The following EML4 variants were observed in gnomAD, a reference collection of about 807,000 sequenced individuals.
The protein encoded by EML4 is echinoderm microtubule-associated protein-like 4.
Under a neutral mutation model 129.0 loss-of-function variants are expected in EML4, and 72 were observed. That is an observed-to-expected ratio of 0.56 (90% confidence interval 0.46 to 0.68). EML4 has a LOEUF of 0.68. Among genes scored for constraint, EML4 ranks in the 30% least tolerant of loss-of-function variants. The pLI is 0.00. For synonymous variants in EML4, 532 were observed against 405.0 expected (o/e 1.31, Z -3.77); for missense variants, 1,363 against 1,190.6 (o/e 1.14, Z -2.13).
intron 1 of EML4, among the ~76,000 whole-genome samples, chr2:42,181,922 G>A (rs1670967566): frequency 6.6e-6 from 1 of 152,006 alleles, no homozygotes; most frequent in East Asian, 1.9e-4. Flanking sequence ...TAAAATTAAG[G>A]AATATATTTA....
intron 19 of EML4, chr2:42,320,019 T>A (rs1034830495): frequency 6.6e-6 from 1 of 152,218 alleles, no homozygotes; most frequent in Non-Finnish European, 1.5e-5. Context: ...TTATAAGTTA[T>A]ATGCATTTGG....
rs1012945955 is a variant in EML4, at chr2:42,169,655, T to C, written c.25+19T>C. On this transcript the variant is annotated intron_variant, in intron 1 of 22. Coordinates refer to ENST00000318522, the MANE Select transcript of EML4 (RefSeq NM_019063.5). ...AGTCTCGGTGAGTACGGCTGGGGAG[T>C]CCTGCGTCTTCTGCGAAGGGTAGGA... 6.3e-7 allele frequency: 1 copy of C among 1,593,708 alleles called. No individual in the cohort carries two copies. The highest frequency in any genetic ancestry group is 1.4e-5 in the African/African-American group (1 of 72,880).
chr2:42,300,570 T>G (rs1456099841), intron 13 of EML4, among the ~76,000 whole-genome samples: 1 of 152,206 alleles, frequency 6.6e-6, no homozygotes, highest in Admixed American at 6.5e-5. Flanking sequence ...TCTCTGCTAG[T>G]AGGTCAAAAG....
chr2:42,203,076 G>A (rs761077036), intron 1 of EML4, among the ~76,000 whole-genome samples: 1 of 152,112 alleles, frequency 6.6e-6, no homozygotes, highest in Non-Finnish European at 1.5e-5. Flanking sequence ...AAATAGAATA[G>A]AATAGTGGAT....
intron 1 of EML4, among the ~76,000 whole-genome samples, chr2:42,178,376 C>T (rs190433632): frequency 2.0e-5 from 3 of 150,284 alleles, no homozygotes; most frequent in Admixed American, 2.0e-4. Flanking sequence ...GACCCTGTCT[C>T]TACCAAAAAA....
At chr2:42,236,918 T>C (rs1674714478) in intron 1 of EML4, among the ~76,000 whole-genome samples, 2 of 152,202 alleles carry the variant, frequency 1.3e-5, no homozygotes, top group Admixed American at 1.3e-4. Context: ...AATGAGGTGC[T>C]TGAGTCTCAT....
At position 42,256,236 on chromosome 2, in the gene EML4, C is replaced by CA. The variant is rs367772191; in HGVS notation, c.209-262dup. On this transcript the variant is annotated intron_variant, in intron 2 of 22. Coordinates refer to ENST00000318522, the MANE Select transcript of EML4 (RefSeq NM_019063.5). ...TATAAGGCTGCTGTGTGTGGTAAAG[C>CA]AAACCATTTAGCTAAGAGAACTAGC... Among the ~76,000 whole-genome samples, 396 of 152,282 alleles carry CA rather than the reference C, an allele frequency of 2.6e-3. 1 individual carries two copies. The highest frequency in any genetic ancestry group is 8.1e-3 in the African/African-American group (335 of 41,546).
chr2:42,255,959 T>C (rs1327228401), intron 2 of EML4, among the ~76,000 whole-genome samples: 3 of 152,242 alleles, frequency 2.0e-5, no homozygotes, highest in Non-Finnish European at 2.9e-5. Flanking sequence ...GACTGTTTTA[T>C]CTTATGATGT....
At chr2:42,325,829 A>C (rs1669780826) in intron 20 of EML4, among the ~76,000 whole-genome samples, 1 of 151,624 alleles carries the variant, frequency 6.6e-6, no homozygotes, top group South Asian at 2.1e-4. Context: ...CAGAAGGCAC[A>C]TATAGTAATA....
In EML4 at chr2:42,282,887, T is replaced by C. The variant is rs374997130; in HGVS notation, c.856T>C (p.Tyr286His). ...VYLLPTGKIV[Y>H]FIASVVVLFN... ...CCTTCTTCCGACCGGGAAAATAGTT[T>C]ATTTCATTGCATCAGTAGTAGTACT... The change falls in exon 8 of 23, where the codon TAT (tyrosine) becomes CAT (histidine). Residue 286 changes from tyrosine (Y) to histidine (H), a missense_variant. Transcript: ENST00000318522. 9 of 1,612,130 alleles carry C rather than the reference T, an allele frequency of 5.6e-6. No homozygotes were observed. The highest frequency in any genetic ancestry group is 1.7e-5 in the Admixed American group (1 of 60,000).
chr2:42,251,030 A>G (rs751806664), intron 2 of EML4, among the ~76,000 whole-genome samples: 3 of 152,186 alleles, frequency 2.0e-5, no homozygotes, highest in Admixed American at 1.3e-4. Context: ...CTGATCTGAC[A>G]GGAGGCTGAG....
At position 42,261,203 on chromosome 2, in the gene EML4, A is replaced by G; in HGVS notation, c.421A>G (p.Ile141Val). ...TCATTCTAATGATCAAAGTCCACAA[A>G]TTCGAGCATCACCTTCTCCCCAGCC... Reference protein sequence around the residue: ...ESHSNDQSPQIRASPSPQPSS... With the variant: ...ESHSNDQSPQVRASPSPQPSS... The change falls in exon 4 of 23, where the codon ATT becomes GTT. Residue 141 changes from isoleucine to valine, a missense_variant. Ile to Val is a conservative substitution (Grantham distance 29). Coordinates refer to ENST00000318522, the MANE Select transcript of EML4 (RefSeq NM_019063.5). 2 of 1,614,000 alleles carry G rather than the reference A, an allele frequency of 1.2e-6. No individual in the cohort carries two copies. The highest frequency in any genetic ancestry group is 1.7e-6 in the Non-Finnish European group (2 of 1,179,932).
At chr2:42,170,952 A>T (rs1293845755) in intron 1 of EML4, among the ~76,000 whole-genome samples, 2 of 152,234 alleles carry the variant, frequency 1.3e-5, no homozygotes, top group Non-Finnish European at 2.9e-5. Flanking sequence ...AGTAAAACCT[A>T]TAATTTTGGC....
At position 42,224,735 on chromosome 2, in the gene EML4, T is replaced by A. The variant is rs529829033; in HGVS notation, c.26-20770T>A. ...TTTGTCATTTTGATTATAGCCATCC[T>A]GATGGTGTGAAGTGGCATCTCATTA... On this transcript the variant is annotated intron_variant, in intron 1 of 22. Transcript: ENST00000318522. Among the ~76,000 whole-genome samples the A allele has an allele frequency of 1.7e-3, 265 of 152,264 alleles. 2 individuals carry two copies. The highest frequency in any genetic ancestry group is 2.9e-3 in the Non-Finnish European group (196 of 67,980).
intron 1 of EML4, among the ~76,000 whole-genome samples, chr2:42,225,581 C>T (rs1368437013): frequency 2.0e-5 from 3 of 152,134 alleles, no homozygotes; most frequent in African/African-American, 4.8e-5. Flanking sequence ...TATAAAAGTT[C>T]TGATGCTCTA....
chr2:42,221,562 A>G (rs961418037), intron 1 of EML4, among the ~76,000 whole-genome samples: 1 of 151,286 alleles, frequency 6.6e-6, no homozygotes. Context: ...AGCACACCCA[A>G]CCATGCCTGA....
At chr2:42,259,659 A>G (rs9789740) in intron 3 of EML4, among the ~76,000 whole-genome samples, 18,718 of 151,596 alleles carry the variant, frequency 0.12, 1,175 homozygotes, top group East Asian at 0.17. Flanking sequence ...TAAGAAATTT[A>G]AAACTCTGGC....
intron 21 of EML4, among the ~76,000 whole-genome samples, chr2:42,327,545 A>G (rs1220299089): frequency 6.6e-6 from 1 of 152,084 alleles, no homozygotes; most frequent in African/African-American, 2.4e-5. Flanking sequence ...GCCTTACACC[A>G]CTTGTTGAAA....
intron 1 of EML4, among the ~76,000 whole-genome samples, chr2:42,190,716 A>G (rs1178446903): frequency 3.3e-5 from 5 of 152,198 alleles, no homozygotes; most frequent in Admixed American, 6.5e-5. Context: ...ATAGTCTTGC[A>G]TAGGGGTTGG....
Sources: gnomAD v4.1 joint callset for allele counts (sites outside exome capture counted in the v4.1 genomes callset) on GRCh38, gnomAD v4.1.1 for gene constraint, MANE v1.5 for transcripts, NCBI Gene and HGNC (gene_info 2026-07-23, HGNC 2026-07-21) for gene names.